Variants in PCCA observed in about 807,000 individuals in gnomAD.
PCCA encodes propionyl-CoA carboxylase subunit alpha, also known as propionyl-CoA carboxylase alpha chain, mitochondrial.
Under a neutral mutation model 101.3 loss-of-function variants are expected in PCCA, and 74 were observed. That is an observed-to-expected ratio of 0.73 (90% CI 0.61 to 0.89). The LOEUF (loss-of-function observed/expected upper bound fraction) is 0.89. PCCA is among the 40% of genes least tolerant of loss of function. The pLI is 0.00. For missense variants in PCCA, 891 were observed against 907.0 expected (o/e 0.98, Z 0.23); for synonymous variants, 294 against 313.6 (o/e 0.94, Z 0.66).
intron 21 of PCCA, among the ~76,000 whole-genome samples, chr13:100,462,893 A>G: frequency 6.6e-6 from 1 of 152,210 alleles, no homozygotes; most frequent in Non-Finnish European, 1.5e-5. Flanking sequence ...GTGTATACGA[A>G]GTAGAGGGAT....
intron 21 of PCCA, among the ~76,000 whole-genome samples, chr13:100,482,677 C>G (rs1363667494): frequency 6.6e-6 from 1 of 152,246 alleles, no homozygotes; most frequent in Non-Finnish European, 1.5e-5. Context: ...AAACCTCCAC[C>G]TCCTGGGTTC....
chr13:100,197,400 G>T (rs1301418737), intron 6 of PCCA, among the ~76,000 whole-genome samples: 1 of 151,810 alleles, frequency 6.6e-6, no homozygotes, highest in Non-Finnish European at 1.5e-5. Flanking sequence ...CCACTGTGTT[G>T]TCCAGGCTGA....
intron 18 of PCCA, among the ~76,000 whole-genome samples, chr13:100,353,073 G>A (rs973174694): frequency 6.6e-6 from 1 of 152,096 alleles, no homozygotes; most frequent in African/African-American, 2.4e-5. Flanking sequence ...ATGATAAAAG[G>A]GTCAATCCAT....
chr13:100,434,620 G>T (rs1318466677), intron 20 of PCCA, among the ~76,000 whole-genome samples: 2 of 152,100 alleles, frequency 1.3e-5, no homozygotes, highest in Non-Finnish European at 2.9e-5. Flanking sequence ...AGTTGCCTTT[G>T]GTCTCCTGAG....
At chr13:100,203,559 T>TG (rs1308804541) in intron 6 of PCCA, among the ~76,000 whole-genome samples, 2 of 151,620 alleles carry the variant, frequency 1.3e-5, no homozygotes, top group Non-Finnish European at 2.9e-5. Context: ...CCCGGCATGG[T>TG]GGGGGGTGCC....
intron 18 of PCCA, among the ~76,000 whole-genome samples, chr13:100,347,057 A>G (rs1163669098): frequency 6.6e-6 from 1 of 152,026 alleles, no homozygotes; most frequent in Non-Finnish European, 1.5e-5. Flanking sequence ...TGTATTTTTT[A>G]GTAGAGACGG....
At chr13:100,339,873 G>T (rs867305978) in intron 17 of PCCA, among the ~76,000 whole-genome samples, 28 of 152,218 alleles carry the variant, frequency 1.8e-4, no homozygotes, top group African/African-American at 6.3e-4. Context: ...TGTGTGGATG[G>T]TTTTTTCTTT....
intron 4 of PCCA, among the ~76,000 whole-genome samples, chr13:100,127,987 C>T (rs115136654): frequency 0.011 from 1,745 of 152,290 alleles, 39 homozygotes; most frequent in African/African-American, 0.04. Context: ...TTTTTACAGC[C>T]TCCCTCATTC....
Position 100,530,030 on chromosome 13 carries a change from C to A in PCCA, c.2119-68C>A, listed in dbSNP as rs952138309. On this transcript the variant is annotated intron_variant, in intron 23 of 23. Coordinates refer to ENST00000376285, the MANE Select transcript of PCCA (RefSeq NM_000282.4). ...TGCATTTTTAGAAATGGATTAGGAG[C>A]CTGCCGCCTCTTGGTTCTGGTTACT... 1.0e-4 allele frequency: 121 copies of A among 1,208,336 alleles called. No individual in the cohort carries two copies. In the South Asian group the frequency reaches 1.3e-3, roughly 13 times the overall value. The allele number at this position is 1,208,336 out of a possible 1,614,324, so 74.9% of individuals were successfully genotyped here.
intron 19 of PCCA, among the ~76,000 whole-genome samples, chr13:100,373,572 T>C: frequency 6.6e-6 from 1 of 152,016 alleles, no homozygotes; most frequent in East Asian, 1.9e-4. Context: ...AGAAACTAGA[T>C]TGGTGGTTGC....
chr13:100,418,127 C>T (rs1023968660), intron 19 of PCCA, among the ~76,000 whole-genome samples: 1 of 152,142 alleles, frequency 6.6e-6, no homozygotes, highest in Non-Finnish European at 1.5e-5. Context: ...TTATCCAATC[C>T]CTGGCCTGGC....
At chr13:100,342,825 G>A (rs918391428) in intron 18 of PCCA, among the ~76,000 whole-genome samples, 1 of 151,516 alleles carries the variant, frequency 6.6e-6, no homozygotes, top group African/African-American at 2.4e-5. Flanking sequence ...GGGCTACAGC[G>A]ACCCTCCTGC....
chr13:100,256,253 C>T (rs2062068611), intron 8 of PCCA, among the ~76,000 whole-genome samples: 1 of 152,130 alleles, frequency 6.6e-6, no homozygotes, highest in Non-Finnish European at 1.5e-5. Flanking sequence ...AATTCGCCCA[C>T]CTCAGCCTCC....
chr13:100,496,461 ACAGT>A (rs1262281827), intron 21 of PCCA, among the ~76,000 whole-genome samples: 1 of 151,128 alleles, frequency 6.6e-6, no homozygotes, highest in Non-Finnish European at 1.5e-5. Flanking sequence ...GTGTTTCCTC[ACAGT>A]CAGGTTGTTA....
At position 100,308,431 on chromosome 13, in the gene PCCA, C is replaced by A. The variant is rs567991147; in HGVS notation, c.1353+1171C>A. ...CCTTGACCTCCCAGGCTCAAGCGATCCACCTGCCTTAGCCACCCAAGTAGC... is the reference window on the plus strand; with the variant it reads ...CCTTGACCTCCCAGGCTCAAGCGATACACCTGCCTTAGCCACCCAAGTAGC... On this transcript the variant is annotated intron_variant, in intron 15 of 23. Transcript: ENST00000376285. Among the ~76,000 whole-genome samples the A allele has an allele frequency of 6.6e-5, 10 of 152,170 alleles. No homozygotes were observed. In the South Asian group the frequency reaches 2.1e-3, roughly 32 times the overall value.
At chr13:100,335,625 G>A (rs1325852455) in intron 17 of PCCA, among the ~76,000 whole-genome samples, 1 of 152,156 alleles carries the variant, frequency 6.6e-6, no homozygotes, top group African/African-American at 2.4e-5. Flanking sequence ...CCTGGTGTAA[G>A]CTTTCAGATT....
intron 18 of PCCA, among the ~76,000 whole-genome samples, chr13:100,350,712 T>A (rs1047118787): frequency 6.6e-6 from 1 of 152,206 alleles, no homozygotes; most frequent in Non-Finnish European, 1.5e-5. Context: ...GCTGGAGAAT[T>A]TCTCTGTTCC....
chr13:100,281,849 A>G (rs2064146057), intron 12 of PCCA, among the ~76,000 whole-genome samples: 1 of 152,200 alleles, frequency 6.6e-6, no homozygotes, highest in African/African-American at 2.4e-5. Flanking sequence ...TGCTATCCCA[A>G]ATAATGCAAT....
intron 21 of PCCA, among the ~76,000 whole-genome samples, chr13:100,460,176 T>A (rs142843162): frequency 2.6e-5 from 4 of 152,360 alleles, no homozygotes; most frequent in Non-Finnish European, 4.4e-5. Context: ...GGTGAAGCTG[T>A]GAGTCTGTGT....
Sources: allele counts gnomAD v4.1 joint callset (sites outside exome capture counted in the v4.1 genomes callset), GRCh38; gene constraint gnomAD v4.1.1; transcripts MANE v1.5; gene names NCBI Gene and HGNC (gene_info 2026-07-23, HGNC 2026-07-21).